Variants in ZBTB20 observed in about 807,000 individuals in gnomAD.
ZBTB20 encodes the protein zinc finger and BTB domain-containing protein 20.
In ZBTB20, 9 loss-of-function variants were observed where a neutral mutation model predicts 56.9. The observed-to-expected ratio is 0.16, with a 90% confidence interval of 0.10 to 0.28. The LOEUF (loss-of-function observed/expected upper bound fraction) is 0.28, where lower values mean the gene tolerates loss of function less well. ZBTB20 is among the 10% of genes least tolerant of loss of function. The pLI, the probability that ZBTB20 is intolerant of heterozygous loss-of-function variation, is 1.00. For missense variants in ZBTB20, 655 were observed against 1,003.0 expected (o/e 0.65, Z 4.69); for synonymous variants, 417 against 420.7 (o/e 0.99, Z 0.11).
At chr3:114,406,804 G>A (rs1371190662) in intron 7 of ZBTB20, among the ~76,000 whole-genome samples, 2 of 151,860 alleles carry the variant, frequency 1.3e-5, no homozygotes, top group Non-Finnish European at 2.9e-5. Flanking sequence ...GCTATATTGA[G>A]GAATAAAATG....
intron 4 of ZBTB20, among the ~76,000 whole-genome samples, chr3:114,871,720 T>A (rs1361422280): frequency 6.6e-6 from 1 of 152,170 alleles, no homozygotes; most frequent in African/African-American, 2.4e-5. Flanking sequence ...TCTGACATGA[T>A]CTCTCATTGT....
chr3:115,146,902 C>G (rs1245006242), intron 1 of ZBTB20, among the ~76,000 whole-genome samples: 3 of 151,566 alleles, frequency 2.0e-5, no homozygotes, highest in African/African-American at 7.3e-5. Context: ...CGCCACCCTT[C>G]GACCCTCCCG....
At chr3:114,814,881 T>C (rs1560281607) in intron 4 of ZBTB20, among the ~76,000 whole-genome samples, 1 of 152,220 alleles carries the variant, frequency 6.6e-6, no homozygotes, top group African/African-American at 2.4e-5. Context: ...TTTCTTTTAA[T>C]AATTTGCACA....
chr3:114,753,213 T>G (rs184441520), intron 5 of ZBTB20, among the ~76,000 whole-genome samples: 2 of 148,988 alleles, frequency 1.3e-5, no homozygotes, highest in East Asian at 3.9e-4. Context: ...AAATGAAGCA[T>G]ATTTTTTATA....
intron 10 of ZBTB20, among the ~76,000 whole-genome samples, chr3:114,358,649 A>G (rs1451449269): frequency 6.6e-6 from 1 of 152,180 alleles, no homozygotes; most frequent in African/African-American, 2.4e-5. Flanking sequence ...TCCATATTGT[A>G]AAACTGTAAA....
chr3:114,647,858 C>T lies in ZBTB20; in HGVS notation c.-295+45670G>A, dbSNP rs77830846. On this transcript the variant is annotated intron_variant, in intron 6 of 11. Coordinates refer to ENST00000675478, the MANE Select transcript of ZBTB20 (RefSeq NM_001348800.3). ...CTTGATAAATAATCAGGTGATACTT[C>T]GTTGACATCTCTTTAATCTTCCAAT... Among the ~76,000 whole-genome samples the T allele has an allele frequency of 4.8e-3, 737 of 152,170 alleles. 3 individuals are homozygous for T. The highest frequency in any genetic ancestry group is 0.016 in the African/African-American group (657 of 41,534).
Position 114,817,883 on chromosome 3 carries a change from G to T in ZBTB20, c.-416-16709C>A, listed in dbSNP as rs2073032494. Among the ~76,000 whole-genome samples the T allele has an allele frequency of 5.3e-5, 8 of 152,238 alleles. No individual in the cohort carries two copies. In the South Asian group the frequency reaches 1.7e-3, roughly 32 times the overall value. On this transcript the variant is annotated intron_variant, in intron 4 of 11. Transcript: ENST00000675478. ...ACCATTACATGGGGAAAGCAAGTTA[G>T]ATTATGCTACACTACACTAAGCCAA...
chr3:114,660,309 T>C (rs2060651220), intron 6 of ZBTB20, among the ~76,000 whole-genome samples: 1 of 152,126 alleles, frequency 6.6e-6, no homozygotes, highest in Non-Finnish European at 1.5e-5. Flanking sequence ...AAGTCTGCAG[T>C]TGTTTTTATA....
At chr3:114,370,684 T>C (rs578237114) in intron 10 of ZBTB20, among the ~76,000 whole-genome samples, 36 of 152,344 alleles carry the variant, frequency 2.4e-4, no homozygotes, top group African/African-American at 8.7e-4. Context: ...TTATGGCTTA[T>C]AGTGCTCTTG....
intron 4 of ZBTB20, among the ~76,000 whole-genome samples, chr3:114,825,671 G>C (rs531769771): frequency 2.0e-5 from 3 of 151,880 alleles, no homozygotes; most frequent in Non-Finnish European, 4.4e-5. Context: ...CTACTGAATA[G>C]ATAGGTTTAA....
At chr3:114,953,224 T>C (rs1417928173) in intron 3 of ZBTB20, among the ~76,000 whole-genome samples, 2 of 149,470 alleles carry the variant, frequency 1.3e-5, no homozygotes, top group Non-Finnish European at 3.0e-5. Context: ...TACAAAGAAA[T>C]ATCGTCAGAA....
In ZBTB20 at chr3:114,380,255, G is replaced by A; in HGVS notation, c.161C>T (p.Ser54Leu). 1 of 1,537,096 alleles carries A rather than the reference G, an allele frequency of 6.5e-7. No homozygotes were observed. The highest frequency in any genetic ancestry group is 8.7e-7 in the Non-Finnish European group (1 of 1,146,832). The change falls in exon 10 of 12, where the codon TCA (serine) becomes TTA (leucine). Residue 54 changes from serine to leucine, a missense_variant. By Grantham distance (145) the Ser-to-Leu change is moderately radical. This residue lies in a region of ZBTB20 where 79 missense variants were observed against 78.4 expected (regional missense o/e 1.01). Transcript: ENST00000675478. ...PDPALIHSTH[S>L]LTNSHAHTGS... ...GGTGTGAGCGTGAGAGTTTGTCAGT[G>A]AATGTGTTGAGTGGATGAGGGCTGG...
chr3:114,778,128 G>A (rs2069761433), intron 5 of ZBTB20, among the ~76,000 whole-genome samples: 1 of 147,528 alleles, frequency 6.8e-6, no homozygotes, highest in Non-Finnish European at 1.5e-5. Context: ...ATAGCATTAG[G>A]AGATATACCT....
chr3:114,886,910 TAC>T (rs1330492704), intron 4 of ZBTB20, among the ~76,000 whole-genome samples: 2 of 152,232 alleles, frequency 1.3e-5, no homozygotes, highest in African/African-American at 2.4e-5. Context: ...TATAACGGAA[TAC>T]TTGTAACTCA....
At chr3:115,077,175 T>A (rs1266551172) in intron 1 of ZBTB20, among the ~76,000 whole-genome samples, 1 of 151,894 alleles carries the variant, frequency 6.6e-6, no homozygotes, top group Non-Finnish European at 1.5e-5. Context: ...AGAACTCCTA[T>A]AATTTAAGAG....
chr3:114,470,442 A>G (rs1330555226), intron 7 of ZBTB20, among the ~76,000 whole-genome samples: 1 of 152,156 alleles, frequency 6.6e-6, no homozygotes, highest in African/African-American at 2.4e-5. Context: ...GATCTTGGTT[A>G]TATGTGGAAG....
chr3:115,093,007 A>G (rs886998899), intron 1 of ZBTB20, among the ~76,000 whole-genome samples: 1 of 152,094 alleles, frequency 6.6e-6, no homozygotes, highest in African/African-American at 2.4e-5. Context: ...ACTTAAAATC[A>G]CAGTCTTTAA....
At chr3:114,890,916 G>A (rs1363547247) in intron 4 of ZBTB20, among the ~76,000 whole-genome samples, 1 of 151,852 alleles carries the variant, frequency 6.6e-6, no homozygotes, top group East Asian at 1.9e-4. Context: ...GAACTCACTT[G>A]TATGCATTAC....
intron 5 of ZBTB20, among the ~76,000 whole-genome samples, chr3:114,710,113 A>G (rs2063967369): frequency 6.6e-6 from 1 of 152,190 alleles, no homozygotes; most frequent in South Asian, 2.1e-4. Context: ...ACAACTCAAT[A>G]TGATCATAAA....
Sources: allele counts gnomAD v4.1 joint callset (sites outside exome capture counted in the v4.1 genomes callset), GRCh38; gene constraint gnomAD v4.1.1; regional missense constraint gnomAD v4.1.1; transcripts MANE v1.5; gene names NCBI Gene and HGNC (gene_info 2026-07-23, HGNC 2026-07-21).